The following ROBO2 variants were observed in gnomAD, a reference collection of about 807,000 sequenced individuals.
ROBO2 encodes roundabout homolog 2.
A neutral mutation model predicts 160.8 loss-of-function variants in ROBO2; 53 were observed. That is an observed-to-expected ratio of 0.33 (90% CI 0.26 to 0.41). ROBO2 has a LOEUF of 0.41. Ranked by LOEUF, ROBO2 falls within the 10% of genes least tolerant of loss-of-function variation. The pLI is 1.00. For synonymous variants in ROBO2, 664 were observed against 611.7 expected, an observed-to-expected ratio of 1.09 and a Z score of -1.26; for missense variants, 1,577 against 1,722.4, an observed-to-expected ratio of 0.92 and a Z score of 1.49.
intron 2 of ROBO2, among the ~76,000 whole-genome samples, chr3:76,603,345 A>ATATATATATGTAT (rs1406880243): frequency 6.4e-5 from 4 of 62,360 alleles, no homozygotes; most frequent in African/African-American, 2.9e-4. Context: ...AAAAAAAAAA[A>ATATATATATGTAT]AAAAAAATAT....
intron 2 of ROBO2, among the ~76,000 whole-genome samples, chr3:76,289,064 T>C (rs1489852374): frequency 2.0e-5 from 3 of 152,134 alleles, no homozygotes; most frequent in Admixed American, 1.3e-4. Flanking sequence ...CTTTAAGAAA[T>C]CTCCAAACTG....
chr3:76,089,128 C>T (rs983380253), intron 2 of ROBO2, among the ~76,000 whole-genome samples: 2 of 151,928 alleles, frequency 1.3e-5, no homozygotes, highest in African/African-American at 4.8e-5. Context: ...TCTGTCAAAT[C>T]TTACACTAAA....
At position 76,595,368 on chromosome 3, in the gene ROBO2, T is replaced by G. The variant is rs143299947; in HGVS notation, c.110-502646T>G. On this transcript the variant is annotated intron_variant, in intron 2 of 26. Transcript: ENST00000487694. ...CATATAAAATGGGAATTATATATTA[T>G]GTATTTTGTTACATGTTATTTTGTG... Among the ~76,000 whole-genome samples, 1,207 of 152,172 alleles carry G rather than the reference T, an allele frequency of 7.9e-3. 14 individuals carry two copies. The highest frequency in any genetic ancestry group is 0.028 in the African/African-American group (1,154 of 41,558).
intron 2 of ROBO2, among the ~76,000 whole-genome samples, chr3:77,335,647 A>G (rs1263034148): frequency 6.6e-6 from 1 of 152,192 alleles, no homozygotes; most frequent in East Asian, 1.9e-4. Context: ...CATAAATAAC[A>G]GCTCTCGCTA....
At chr3:77,055,781 T>G (rs1375787789) in intron 1 of ROBO2, among the ~76,000 whole-genome samples, 1 of 152,230 alleles carries the variant, frequency 6.6e-6, no homozygotes, top group African/African-American at 2.4e-5. Flanking sequence ...TAAATTTATA[T>G]AACTACGAGA....
chr3:76,059,976 T>C (rs563572403), intron 2 of ROBO2, among the ~76,000 whole-genome samples: 72 of 152,326 alleles, frequency 4.7e-4, no homozygotes, highest in African/African-American at 1.7e-3. Flanking sequence ...GTGATGTTAT[T>C]TGTGAGGGCT....
At chr3:76,302,644 T>C (rs2107744884) in intron 2 of ROBO2, among the ~76,000 whole-genome samples, 1 of 152,240 alleles carries the variant, frequency 6.6e-6, no homozygotes, top group African/African-American at 2.4e-5. Context: ...CTTTCCATTG[T>C]ATTACAATTG....
intron 2 of ROBO2, among the ~76,000 whole-genome samples, chr3:77,289,968 A>C (rs1214322723): frequency 6.6e-6 from 1 of 152,148 alleles, no homozygotes; most frequent in Non-Finnish European, 1.5e-5. Flanking sequence ...CCCAGACATT[A>C]AGTAAAATTG....
chr3:77,135,020 G>A (rs1044790732), intron 2 of ROBO2, among the ~76,000 whole-genome samples: 3 of 152,186 alleles, frequency 2.0e-5, no homozygotes, highest in East Asian at 3.9e-4. Flanking sequence ...AGATGACGCC[G>A]TGTCATTAAC....
At chr3:76,077,550 G>A (rs988135791) in intron 2 of ROBO2, among the ~76,000 whole-genome samples, 2 of 151,862 alleles carry the variant, frequency 1.3e-5, no homozygotes, top group African/African-American at 2.4e-5. Flanking sequence ...GTGACAAAGC[G>A]AGACTTCATC....
chr3:76,035,576 A>G (rs192615260), intron 2 of ROBO2, among the ~76,000 whole-genome samples: 20 of 152,006 alleles, frequency 1.3e-4, no homozygotes, highest in East Asian at 5.8e-4. Flanking sequence ...AGCAACTCCA[A>G]TTTTTCTTTC....
At chr3:75,960,725 A>G (rs1948879961) in intron 2 of ROBO2, among the ~76,000 whole-genome samples, 1 of 151,928 alleles carries the variant, frequency 6.6e-6, no homozygotes, top group Non-Finnish European at 1.5e-5. Flanking sequence ...AGGCAAGTAA[A>G]CTATATTTTT....
chr3:76,295,738 C>T (rs565897441), intron 2 of ROBO2, among the ~76,000 whole-genome samples: 104 of 152,240 alleles, frequency 6.8e-4, no homozygotes, highest in Non-Finnish European at 1.3e-3. Flanking sequence ...TCTAAATTTA[C>T]CACTTAAGTG....
intron 2 of ROBO2, among the ~76,000 whole-genome samples, chr3:76,079,537 G>A (rs2108015917): frequency 6.9e-6 from 1 of 145,314 alleles, no homozygotes; most frequent in Non-Finnish European, 1.5e-5. Flanking sequence ...AAGCTGGAGT[G>A]CAGTGGCACA....
chr3:75,971,097 A>G (rs625302), intron 2 of ROBO2, among the ~76,000 whole-genome samples: 115,040 of 151,030 alleles, frequency 0.76, 44,959 homozygotes, highest in South Asian at 0.9. Context: ...GTGTATCCCT[A>G]TATTTCTAAT....
chr3:76,890,162 G>T (rs575745140), intron 2 of ROBO2, among the ~76,000 whole-genome samples: 1 of 152,262 alleles, frequency 6.6e-6, no homozygotes, highest in African/African-American at 2.4e-5. Context: ...CTAGAAATAT[G>T]ATAGTGGGTT....
At chr3:77,609,423 G>T (rs1261046369) in intron 21 of ROBO2, among the ~76,000 whole-genome samples, 2 of 152,068 alleles carry the variant, frequency 1.3e-5, no homozygotes, top group Non-Finnish European at 2.9e-5. Flanking sequence ...AAAAGCTATA[G>T]TCAGAGACTA....
intron 5 of ROBO2, among the ~76,000 whole-genome samples, chr3:77,495,445 T>C (rs948732246): frequency 6.6e-6 from 1 of 152,210 alleles, no homozygotes; most frequent in Non-Finnish European, 1.5e-5. Context: ...TATTTGGCTC[T>C]CCCAGGTTTT....
At chr3:77,467,388 C>A (rs1473646351) in intron 2 of ROBO2, among the ~76,000 whole-genome samples, 1 of 151,918 alleles carries the variant, frequency 6.6e-6, no homozygotes, top group Non-Finnish European at 1.5e-5. Context: ...GTAGGGAAAC[C>A]AGGCAGGCAT....
Sources: allele counts gnomAD v4.1 joint callset (sites outside exome capture counted in the v4.1 genomes callset), GRCh38; gene constraint gnomAD v4.1.1; transcripts MANE v1.5; gene names NCBI Gene and HGNC (gene_info 2026-07-23, HGNC 2026-07-21).